FARP1: variants seen among roughly 807,000 people sequenced by gnomAD.
FARP1 encodes FERM, ARHGEF and pleckstrin domain-containing protein 1.
In FARP1, 52 loss-of-function variants were observed where a neutral mutation model predicts 128.8. That is an observed-to-expected ratio of 0.40 (90% CI 0.32 to 0.51). The LOEUF is 0.51. Among genes scored for constraint, FARP1 ranks in the 20% least tolerant of loss-of-function variants. The pLI, the probability that FARP1 is intolerant of heterozygous loss-of-function variation, is 0.45. For synonymous variants in FARP1, 580 were observed against 551.8 expected, an observed-to-expected ratio of 1.05 and a Z score of -0.72; for missense variants, 1,333 against 1,367.9, an observed-to-expected ratio of 0.97 and a Z score of 0.40.
chr13:98,432,353 G>C (rs529719189), intron 18 of FARP1: 2 of 152,430 alleles, frequency 1.3e-5, no homozygotes, highest in African/African-American at 4.8e-5. Flanking sequence ...GTGACGCTGA[G>C]ACTCAGGGGA....
At chr13:98,229,606 T>C (rs1246268561) in intron 2 of FARP1, among the ~76,000 whole-genome samples, 1 of 151,382 alleles carries the variant, frequency 6.6e-6, no homozygotes, top group Non-Finnish European at 1.5e-5. Flanking sequence ...GCTCAAGCGG[T>C]CCTCCCACCC....
chr13:98,335,910 T>C (rs1887721811), intron 2 of FARP1, among the ~76,000 whole-genome samples: 1 of 152,170 alleles, frequency 6.6e-6, no homozygotes, highest in Admixed American at 6.5e-5. Flanking sequence ...ATGCCTTGGT[T>C]GTCATGGTTA....
chr13:98,429,507 C>A (rs1891931042), intron 17 of FARP1, among the ~76,000 whole-genome samples: 1 of 152,178 alleles, frequency 6.6e-6, no homozygotes, highest in African/African-American at 2.4e-5. Flanking sequence ...GGAAAGAAGA[C>A]AAGGGCAGGT....
intron 2 of FARP1, chr13:98,331,723 T>C (rs1257251233): frequency 6.6e-6 from 1 of 152,148 alleles, no homozygotes; most frequent in Non-Finnish European, 1.5e-5. Context: ...CATCATTCCA[T>C]TGTTCAGATG....
chr13:98,275,646 T>G (rs1884618711), intron 2 of FARP1, among the ~76,000 whole-genome samples: 1 of 143,776 alleles, frequency 7.0e-6, no homozygotes, highest in Non-Finnish European at 1.5e-5. Context: ...TTTTTTTTTT[T>G]GCATCTCTGA....
chr13:98,256,948 G>GATAT (rs56701739), intron 2 of FARP1, among the ~76,000 whole-genome samples: 14 of 77,066 alleles, frequency 1.8e-4, no homozygotes, highest in Non-Finnish European at 3.5e-4. Context: ...TATATATGTG[G>GATAT]ATATATATAT....
At chr13:98,335,262 A>G (rs1323720350) in intron 2 of FARP1, among the ~76,000 whole-genome samples, 2 of 152,192 alleles carry the variant, frequency 1.3e-5, no homozygotes, top group African/African-American at 4.8e-5. Flanking sequence ...TGGGAAATTT[A>G]TACAGGAAAG....
intron 2 of FARP1, among the ~76,000 whole-genome samples, chr13:98,287,994 G>T (rs4772065): frequency 6.6e-6 from 1 of 151,684 alleles, no homozygotes; most frequent in East Asian, 1.9e-4. Flanking sequence ...TAGAGACAGA[G>T]TTTCACCATC....
At chr13:98,362,099 AC>A (rs1888897546) in intron 3 of FARP1, among the ~76,000 whole-genome samples, 1 of 152,184 alleles carries the variant, frequency 6.6e-6, no homozygotes, top group African/African-American at 2.4e-5. Flanking sequence ...CACTGTCTCT[AC>A]AAAAAATATG....
rs1461688776 is a variant in FARP1, at chr13:98,176,388, G to C, written c.-24+32896G>C. On this transcript the variant is annotated intron_variant, in intron 1 of 26. Coordinates refer to ENST00000319562, the MANE Select transcript of FARP1 (RefSeq NM_005766.4). The surrounding 1 kb of genome is among the most constrained non-coding windows in gnomAD (Gnocchi z 6.2). Reference sequence around the variant, plus strand: ...TGTAGCAGCGCGGGGTGGCCCGGAAGTGCTCCAGCGCGCAGCTCTCGCAGA... The same window carrying C: ...TGTAGCAGCGCGGGGTGGCCCGGAACTGCTCCAGCGCGCAGCTCTCGCAGA... The C allele has an allele frequency of 6.2e-7, 1 of 1,614,248 alleles. No homozygotes were observed. Among genetic ancestry groups the C allele is most frequent in the Non-Finnish European group, 8.5e-7 (1 of 1,180,048 alleles).
At chr13:98,302,857 A>G (rs553645519) in intron 2 of FARP1, among the ~76,000 whole-genome samples, 7 of 152,224 alleles carry the variant, frequency 4.6e-5, no homozygotes, top group Non-Finnish European at 5.9e-5. Flanking sequence ...GGTGAGTGCA[A>G]TAAGCCCATT....
intron 2 of FARP1, chr13:98,332,765 G>A (rs778470552): frequency 2.6e-5 from 4 of 152,142 alleles, no homozygotes; most frequent in Non-Finnish European, 4.4e-5. Flanking sequence ...TTTCATTCAC[G>A]TTAAGATCGG....
intron 1 of FARP1, among the ~76,000 whole-genome samples, chr13:98,210,903 G>A (rs1233598842): frequency 6.6e-6 from 1 of 152,176 alleles, no homozygotes; most frequent in African/African-American, 2.4e-5. Flanking sequence ...CATTGGGTTA[G>A]TTTTTCCACA....
At chr13:98,204,537 T>A (rs285104) in intron 1 of FARP1, among the ~76,000 whole-genome samples, 141,818 of 152,238 alleles carry the variant, frequency 0.93, 66,926 homozygotes, top group East Asian at 1. Context: ...GTATAAATGG[T>A]TGTAAAGTTT....
intron 2 of FARP1, among the ~76,000 whole-genome samples, chr13:98,317,431 C>T (rs758147581): frequency 5.3e-5 from 8 of 152,226 alleles, no homozygotes; most frequent in Admixed American, 2.0e-4. Context: ...AAATGAAACC[C>T]CATTTTGGGT....
At chr13:98,308,879 C>T (rs1440062085) in intron 2 of FARP1, among the ~76,000 whole-genome samples, 1 of 152,006 alleles carries the variant, frequency 6.6e-6, no homozygotes, top group Non-Finnish European at 1.5e-5. Context: ...GGTTTCACCA[C>T]GTTGCCCAGG....
chr13:98,381,989 C>A (rs1889903259), intron 6 of FARP1, among the ~76,000 whole-genome samples: 1 of 151,316 alleles, frequency 6.6e-6, no homozygotes, highest in African/African-American at 2.4e-5. Flanking sequence ...CTCGTCTGTA[C>A]AAAAACAAAA....
intron 19 of FARP1, 94 bp downstream of exon 19, chr13:98,435,800 C>A: frequency 7.5e-7 from 1 of 1,331,808 alleles, no homozygotes; most frequent in Non-Finnish European, 1.1e-6. Context: ...GAGACCCTTG[C>A]AAAGCAAAAT....
intron 2 of FARP1, among the ~76,000 whole-genome samples, chr13:98,227,372 G>A (rs1183281146): frequency 6.6e-6 from 1 of 151,568 alleles, no homozygotes; most frequent in Non-Finnish European, 1.5e-5. Flanking sequence ...CTATGTTGGG[G>A]AACATCACTA....
Sources: gnomAD v4.1 joint callset for allele counts (sites outside exome capture counted in the v4.1 genomes callset) on GRCh38, gnomAD v4.1.1 for gene constraint, Gnocchi (gnomAD v3.1) non-coding constraint, MANE v1.5 for transcripts, NCBI Gene and HGNC (gene_info 2026-07-23, HGNC 2026-07-21) for gene names.